Variants in LPAR1 observed in about 807,000 individuals in gnomAD.
LPAR1 encodes lysophosphatidic acid receptor 1.
A neutral mutation model predicts 23.8 loss-of-function variants in LPAR1; 5 were observed. That is an observed-to-expected ratio of 0.21 (90% CI 0.11 to 0.44). The LOEUF (loss-of-function observed/expected upper bound fraction) is 0.44. Ranked by LOEUF, LPAR1 falls within the 20% of genes least tolerant of loss-of-function variation. The pLI is 0.99. For missense variants in LPAR1, 311 were observed against 482.8 expected (o/e 0.64, Z 3.33); for synonymous variants, 160 against 164.7 (o/e 0.97, Z 0.22).
upstream of LPAR1, chr9:111,038,619 C>G (rs1183525943): frequency 2.2e-6 from 1 of 455,456 alleles, no homozygotes; most frequent in Non-Finnish European, 4.4e-6. The surrounding 1 kb of genome is among the most constrained non-coding windows in gnomAD (Gnocchi z 4.4). Flanking sequence ...CCCCCAGAGT[C>G]CGCCCTCCCC....
intron 5 of LPAR1, among the ~76,000 whole-genome samples, chr9:110,881,483 C>T (rs948502049): frequency 1.3e-5 from 2 of 152,156 alleles, no homozygotes; most frequent in African/African-American, 4.8e-5. Context: ...CCAAAGCTGC[C>T]TTCCCTCTGG....
At chr9:110,959,159 A>C (rs1351776023) in intron 4 of LPAR1, among the ~76,000 whole-genome samples, 1 of 85,802 alleles carries the variant, frequency 1.2e-5, no homozygotes, top group Non-Finnish European at 2.2e-5. Context: ...AACAGTATGA[A>C]GATGTCTCTA....
chr9:110,929,457 A>G (rs2094253159), intron 5 of LPAR1, among the ~76,000 whole-genome samples: 1 of 152,234 alleles, frequency 6.6e-6, no homozygotes, highest in Non-Finnish European at 1.5e-5. Context: ...TTGACACAGA[A>G]GTTTACAACA....
intron 5 of LPAR1, among the ~76,000 whole-genome samples, chr9:110,890,649 G>C (rs111286104): frequency 6.6e-6 from 1 of 152,290 alleles, no homozygotes; most frequent in Non-Finnish European, 1.5e-5. Context: ...AATGTCCCTG[G>C]AGAATAGTCA....
intron 2 of LPAR1, among the ~76,000 whole-genome samples, chr9:111,027,863 T>C (rs190831814): frequency 9.9e-6 from 1 of 101,112 alleles, no homozygotes; most frequent in Admixed American, 1.6e-4. Context: ...CACTGAAATA[T>C]GGGCAGAGAA....
At chr9:111,012,755 G>A (rs374022143) in intron 2 of LPAR1, among the ~76,000 whole-genome samples, 1 of 151,968 alleles carries the variant, frequency 6.6e-6, no homozygotes, top group Non-Finnish European at 1.5e-5. Flanking sequence ...TGAGGTTGGT[G>A]GTAAAAAACT....
chr9:111,002,980 A>T (rs373287148), intron 2 of LPAR1, among the ~76,000 whole-genome samples: 13 of 152,260 alleles, frequency 8.5e-5, no homozygotes, highest in African/African-American at 2.9e-4. Context: ...CTCTACAAAA[A>T]AAATAAATAA....
intron 2 of LPAR1, among the ~76,000 whole-genome samples, chr9:111,009,521 C>T (rs2097286289): frequency 6.6e-6 from 1 of 151,994 alleles, no homozygotes; most frequent in South Asian, 2.1e-4. Context: ...GGTTTACAGA[C>T]ATAAGTGTAC....
At chr9:111,025,665 T>A (rs1187931863) in intron 2 of LPAR1, among the ~76,000 whole-genome samples, 1 of 152,152 alleles carries the variant, frequency 6.6e-6, no homozygotes, top group African/African-American at 2.4e-5. Flanking sequence ...TCTTTTAGGG[T>A]TTTTATGGTT....
intron 5 of LPAR1, among the ~76,000 whole-genome samples, chr9:110,889,719 T>C (rs7037318): frequency 6.6e-6 from 1 of 152,256 alleles, no homozygotes; most frequent in Admixed American, 6.5e-5. Flanking sequence ...GCTTGTTTGC[T>C]GTACAAATAG....
chr9:110,904,942 G>C (rs986202014), intron 5 of LPAR1, among the ~76,000 whole-genome samples: 1 of 152,176 alleles, frequency 6.6e-6, no homozygotes, highest in Non-Finnish European at 1.5e-5. Context: ...GAGTAGAGAG[G>C]AGAGGAAGTG....
chr9:110,938,443 C>A (rs935630245), intron 5 of LPAR1, among the ~76,000 whole-genome samples: 1 of 152,184 alleles, frequency 6.6e-6, no homozygotes, highest in African/African-American at 2.4e-5. Context: ...CCTACCAGCA[C>A]CATGACGGTT....
At chr9:110,986,717 T>C (rs757474646) in intron 2 of LPAR1, among the ~76,000 whole-genome samples, 6 of 151,278 alleles carry the variant, frequency 4.0e-5, no homozygotes, top group Non-Finnish European at 8.8e-5. Flanking sequence ...AGTCAGAATA[T>C]AGAAGTCTGT....
intron 2 of LPAR1, among the ~76,000 whole-genome samples, chr9:111,005,265 C>G (rs960674151): frequency 6.6e-6 from 1 of 150,482 alleles, no homozygotes; most frequent in Admixed American, 6.6e-5. Context: ...GAAATCCTTT[C>G]AATTGTTAAG....
chr9:110,912,052 T>C (rs945632591), intron 5 of LPAR1, among the ~76,000 whole-genome samples: 7 of 152,228 alleles, frequency 4.6e-5, no homozygotes, highest in African/African-American at 7.2e-5. Context: ...GGTAGGTAGA[T>C]AGAAGAATAA....
intron 2 of LPAR1, among the ~76,000 whole-genome samples, chr9:111,034,871 C>A (rs909246176): frequency 6.6e-6 from 1 of 152,162 alleles, no homozygotes; most frequent in Non-Finnish European, 1.5e-5. Flanking sequence ...GCCTTCATCA[C>A]CCCACACTCT....
chr9:110,878,699 T>C (rs2079824507), intron 5 of LPAR1, among the ~76,000 whole-genome samples: 1 of 152,164 alleles, frequency 6.6e-6, no homozygotes, highest in South Asian at 2.1e-4. Flanking sequence ...GAGATACAAC[T>C]TGTAAAAGCC....
intron 4 of LPAR1, among the ~76,000 whole-genome samples, chr9:110,957,350 AAAT>A (rs1554710947): frequency 3.9e-4 from 57 of 147,836 alleles, no homozygotes; most frequent in African/African-American, 1.1e-3. Flanking sequence ...AAAAAAAAAA[AAAT>A]AATAATAATA....
At chr9:111,024,479 C>T (rs997788668) in intron 2 of LPAR1, among the ~76,000 whole-genome samples, 48 of 143,616 alleles carry the variant, frequency 3.3e-4, no homozygotes, top group Admixed American at 1.5e-3. Context: ...TATATACATA[C>T]ATATTTTTAT....
Sources: gnomAD v4.1 joint callset for allele counts (sites outside exome capture counted in the v4.1 genomes callset) on GRCh38, gnomAD v4.1.1 for gene constraint, Gnocchi (gnomAD v3.1) non-coding constraint, MANE v1.5 for transcripts, NCBI Gene and HGNC (gene_info 2026-07-23, HGNC 2026-07-21) for gene names.